Variants in ATP2C2 observed in about 807,000 individuals in gnomAD.
ATP2C2 encodes ATPase secretory pathway Ca2+ transporting 2.
Under a neutral mutation model 110.8 loss-of-function variants are expected in ATP2C2, and 171 were observed. That is an observed-to-expected ratio of 1.54 (90% CI 1.36 to 1.75). ATP2C2 has a LOEUF of 1.75. Ranked by LOEUF, ATP2C2 falls within the 40% of genes most tolerant of loss-of-function variation. The probability of loss-of-function intolerance (pLI) is 0.00; values close to 1 mark genes in which losing one functional copy is unlikely to be tolerated. For synonymous variants in ATP2C2, 804 were observed against 508.4 expected (o/e 1.58, Z -7.82); for missense variants, 1,963 against 1,235.0 (o/e 1.59, Z -8.84).
At chr16:84,462,475 G>T (rs907737013) in intron 26 of ATP2C2, 1 of 210,308 alleles carries the variant, frequency 4.8e-6, no homozygotes, top group Non-Finnish European at 9.6e-6. Flanking sequence ...ACCCCAGCTG[G>T]GGAGCCTGGA....
intron 1 of ATP2C2, among the ~76,000 whole-genome samples, chr16:84,383,308 C>T (rs72804651): frequency 0.073 from 11,060 of 152,266 alleles, 502 homozygotes; most frequent in Middle Eastern, 0.11. Context: ...ACTCACCTGC[C>T]GTGACCTTGG....
intron 2 of ATP2C2, chr16:84,404,656 T>A: frequency 3.1e-6 from 1 of 325,970 alleles, no homozygotes; most frequent in Non-Finnish European, 5.9e-6. Context: ...GCTACGAACA[T>A]GGTTGTACAA....
At position 84,438,029 on chromosome 16, in the gene ATP2C2, C is replaced by G. The variant is rs150329337; in HGVS notation, c.987-1137C>G. On this transcript the variant is annotated intron_variant, in intron 11 of 26. Transcript: ENST00000262429. ...CACTCAGCAGCATGTTTTCCAGGCT[C>G]ATCCACATGGTGGCATGTGCCAGTG... Among the ~76,000 whole-genome samples the G allele has an allele frequency of 4.0e-3, 615 of 152,368 alleles. 1 individual carries two copies. Among genetic ancestry groups the G allele is most frequent in the Non-Finnish European group, 6.9e-3 (469 of 68,036 alleles).
intron 3 of ATP2C2, among the ~76,000 whole-genome samples, chr16:84,405,736 A>C (rs1014034837): frequency 6.6e-6 from 1 of 152,160 alleles, no homozygotes; most frequent in Admixed American, 6.5e-5. Flanking sequence ...CCCGGCCAAC[A>C]TGGCGAAACC....
At chr16:84,431,789 C>G (rs933882817) in intron 11 of ATP2C2, among the ~76,000 whole-genome samples, 3 of 152,158 alleles carry the variant, frequency 2.0e-5, no homozygotes, top group African/African-American at 7.2e-5. Flanking sequence ...CCACGCCAGG[C>G]TGTCTCTGTG....
chr16:84,410,427 T>G (rs1260533025), intron 4 of ATP2C2, 141 bp from the exon 5 acceptor site: 1 of 970,606 alleles, frequency 1.0e-6, no homozygotes, highest in Non-Finnish European at 1.6e-6. Context: ...GGCTAGTATA[T>G]TTTCTAAATT....
intron 2 of ATP2C2, among the ~76,000 whole-genome samples, chr16:84,400,329 G>GTTTTTTT (rs112134569): frequency 1.5e-5 from 2 of 136,414 alleles, no homozygotes; most frequent in Non-Finnish European, 3.2e-5. Flanking sequence ...TTAGTTTTTT[G>GTTTTTTT]TTGTTTTTTT....
chr16:84,419,152 G>A (rs1907096443), intron 7 of ATP2C2, among the ~76,000 whole-genome samples: 4 of 143,320 alleles, frequency 2.8e-5, no homozygotes, highest in Admixed American at 2.2e-4. Flanking sequence ...GGGTTTTAGT[G>A]AGCCGAGATT....
chr16:84,463,184 G>A (rs1398856220), intron 26 of ATP2C2, among the ~76,000 whole-genome samples: 1 of 16,486 alleles, frequency 6.1e-5, no homozygotes, highest in African/African-American at 2.2e-4. Flanking sequence ...AGAGGGAGAC[G>A]CTGGGAATTC....
intron 1 of ATP2C2, among the ~76,000 whole-genome samples, chr16:84,383,786 G>GTTTTTTTT (rs753992042): frequency 2.3e-5 from 2 of 85,648 alleles, no homozygotes; most frequent in Non-Finnish European, 5.3e-5. Context: ...TGGTTTTGTT[G>GTTTTTTTT]GTTTTTTTTT....
intron 3 of ATP2C2, among the ~76,000 whole-genome samples, chr16:84,406,305 A>T (rs1905762268): frequency 6.6e-6 from 1 of 152,248 alleles, no homozygotes; most frequent in African/African-American, 2.4e-5. Context: ...CCTTTGCAGG[A>T]CCAGTTCAGA....
At chr16:84,454,042 TGTTGGCCAGGC>T (rs1910565442) in intron 20 of ATP2C2, among the ~76,000 whole-genome samples, 1 of 152,204 alleles carries the variant, frequency 6.6e-6, no homozygotes, top group African/African-American at 2.4e-5. Flanking sequence ...GGTTTCGCCA[TGTTGGCCAGGC>T]TGGTCTCAAA....
chr16:84,456,616 C>G (rs1384843059), intron 21 of ATP2C2, among the ~76,000 whole-genome samples: 6 of 106,626 alleles, frequency 5.6e-5, no homozygotes, highest in African/African-American at 2.3e-4. Context: ...CCAAAATCTC[C>G]TTAAGCTGAT....
chr16:84,433,867 C>T (rs1908507751), intron 11 of ATP2C2, among the ~76,000 whole-genome samples: 1 of 152,210 alleles, frequency 6.6e-6, no homozygotes, highest in Admixed American at 6.5e-5. Context: ...GCTATGGTCA[C>T]TTCCGGTTTC....
rs572997907 is a variant in ATP2C2 at position 84,398,805 on chromosome 16, T to C, written c.210+196T>C. On this transcript the variant is annotated intron_variant, in intron 2 of 26. Transcript: ENST00000262429. The stretch of plus-strand genomic sequence containing the variant: ...CAGTACTTGTCAGTAGAGCTCGTCT[T>C]CACCAGGCCCTTACCGGAAGACGGC... Among the ~76,000 whole-genome samples the C allele has an allele frequency of 2.0e-5, 3 of 152,330 alleles. No individual in the cohort carries two copies. In the South Asian group the frequency reaches 6.2e-4, roughly 32 times the overall value.
intron 15 of ATP2C2, 74 bp from the exon 16 acceptor site, chr16:84,446,255 T>C (rs1435916186): frequency 1.2e-6 from 1 of 852,654 alleles, no homozygotes; most frequent in African/African-American, 1.8e-5. Flanking sequence ...CAATGAATAA[T>C]TTAAATGGAC....
chr16:84,463,541 A>C (rs1911608503), intron 26 of ATP2C2, 73 bp from the exon 27 acceptor site: 1 of 1,277,534 alleles, frequency 7.8e-7, no homozygotes, highest in Non-Finnish European at 1.1e-6. Context: ...GAGGACTGGC[A>C]GGGAAGGCGC....
intron 18 of ATP2C2, 61 bp downstream of exon 18, chr16:84,452,152 GC>G: frequency 6.3e-7 from 1 of 1,591,112 alleles, no homozygotes; most frequent in South Asian, 1.1e-5. Context: ...ACGATGGGGG[GC>G]TGCTACCAAA....
At chr16:84,376,413 A>G (rs572232731) in intron 1 of ATP2C2, among the ~76,000 whole-genome samples, 2 of 152,206 alleles carry the variant, frequency 1.3e-5, no homozygotes, top group Non-Finnish European at 2.9e-5. Context: ...TCCACCACAC[A>G]AGGGATTACT....
Sources: allele counts gnomAD v4.1 joint callset (sites outside exome capture counted in the v4.1 genomes callset), GRCh38; gene constraint gnomAD v4.1.1; transcripts MANE v1.5; gene names NCBI Gene and HGNC (gene_info 2026-07-23, HGNC 2026-07-21).